The following RXFP2 variants were observed in gnomAD, a reference collection of about 807,000 sequenced individuals.
RXFP2 encodes relaxin receptor 2.
Under a neutral mutation model 88.6 loss-of-function variants are expected in RXFP2, and 68 were observed. That is an observed-to-expected ratio of 0.77 (90% CI 0.63 to 0.94). The LOEUF is 0.94. Among genes scored for constraint, RXFP2 ranks in the 40% least tolerant of loss-of-function variants. The probability of loss-of-function intolerance (pLI) is 0.00; values close to 1 mark genes in which losing one functional copy is unlikely to be tolerated. For synonymous variants in RXFP2, 329 were observed against 306.8 expected (o/e 1.07, Z -0.76); for missense variants, 791 against 893.9 (o/e 0.88, Z 1.47).
chr13:31,756,458 C>T (rs1227479659), intron 1 of RXFP2, among the ~76,000 whole-genome samples: 2 of 152,048 alleles, frequency 1.3e-5, no homozygotes, highest in African/African-American at 4.8e-5. Flanking sequence ...ATATCATCTC[C>T]CACACCCGCC....
At position 31,774,617 on chromosome 13, in the gene RXFP2, C is replaced by T. The variant is rs1490900084; in HGVS notation, c.498-3C>T. On this transcript the variant is annotated splice_polypyrimidine_tract_variant and splice_region_variant and intron_variant, in intron 5 of 17. Transcript: ENST00000298386. ...CCTGACTCTCTTATCTTATTCCTAC[C>T]AGATTTCTTCAGCATAATTGCATTA... 1.3e-6 allele frequency: 2 copies of T among 1,483,050 alleles called. No homozygotes were observed. Among genetic ancestry groups the T allele is most frequent in the Admixed American group, 3.3e-5 (2 of 59,806 alleles). 91.9% of individuals were successfully genotyped at this position (1,483,050 alleles called of 1,614,324 possible). A position where few individuals can be genotyped will look rare whatever the true frequency, so the allele number is the denominator to read the frequency against.
At position 31,797,378 on chromosome 13, in the gene RXFP2, T is replaced by A. The variant is rs1298842944; in HGVS notation, c.1964T>A (p.Phe655Tyr). The A allele has an allele frequency of 6.2e-7, 1 of 1,614,172 alleles. No individual in the cohort carries two copies. Among genetic ancestry groups the A allele is most frequent in the Non-Finnish European group, 8.5e-7 (1 of 1,180,008 alleles). ...GATGCCATCTGCTGGATTCCTGTAT[T>A]TGTAGTTAAAATCCTTTCCCTCTTC... ...FSDAICWIPV[F>Y]VVKILSLFRV... Residue 655 changes from phenylalanine (F) to tyrosine (Y), a missense_variant, in exon 17 of 18, where the codon TTT becomes TAT. Physicochemically the swap from Phe to Tyr is conservative, Grantham distance 22. Coordinates refer to ENST00000298386, the MANE Select transcript of RXFP2 (RefSeq NM_130806.5).
chr13:31,789,482 A>G (rs1431801728), intron 14 of RXFP2, among the ~76,000 whole-genome samples: 1 of 152,178 alleles, frequency 6.6e-6, no homozygotes, highest in African/African-American at 2.4e-5. Flanking sequence ...TCACTGGCTA[A>G]ATGGTACTCA....
chr13:31,758,113 A>G, intron 1 of RXFP2, 145 bp from the exon 2 acceptor site: 4 of 839,620 alleles, frequency 4.8e-6, no homozygotes, highest in African/African-American at 1.7e-5. Flanking sequence ...TAAAGTTGTC[A>G]TTGAGAATAT....
chr13:31,746,714 T>G (rs1401427345), intron 1 of RXFP2, among the ~76,000 whole-genome samples: 1 of 152,026 alleles, frequency 6.6e-6, no homozygotes, highest in Non-Finnish European at 1.5e-5. Flanking sequence ...TCTCTTTTTC[T>G]GTTATTCACA....
At chr13:31,777,260 G>C in intron 7 of RXFP2, 116 bp from the exon 8 acceptor site, 1 of 716,446 alleles carries the variant, frequency 1.4e-6, no homozygotes, top group Non-Finnish European at 2.5e-6. Flanking sequence ...TCAGGGAAGG[G>C]ACAGGTGAGC....
intron 5 of RXFP2, among the ~76,000 whole-genome samples, chr13:31,772,156 A>G (rs1430777244): frequency 6.6e-6 from 1 of 152,204 alleles, no homozygotes; most frequent in Admixed American, 6.5e-5. Context: ...GGAATTGACT[A>G]TAATACTTTA....
At chr13:31,774,552 A>G (rs1872859650) in intron 5 of RXFP2, 68 bp from the exon 6 acceptor site, 1 of 830,780 alleles carries the variant, frequency 1.2e-6, no homozygotes. Context: ...AAAGTGGAGA[A>G]TATGTTCAAC....
intron 15 of RXFP2, 33 bp downstream of exon 15, chr13:31,792,068 A>C: frequency 6.7e-7 from 1 of 1,483,090 alleles, no homozygotes; most frequent in Non-Finnish European, 9.4e-7. Context: ...TAGATTAAGG[A>C]TATCTTCTGT....
At chr13:31,771,855 G>T (rs1872747290) in intron 5 of RXFP2, among the ~76,000 whole-genome samples, 1 of 151,832 alleles carries the variant, frequency 6.6e-6, no homozygotes, top group Non-Finnish European at 1.5e-5. Context: ...CGTGGGGACT[G>T]TTGTCCTGCG....
chr13:31,755,847 G>A (rs1426658110), intron 1 of RXFP2, among the ~76,000 whole-genome samples: 1 of 152,046 alleles, frequency 6.6e-6, no homozygotes, highest in African/African-American at 2.4e-5. Context: ...AATGATTTTT[G>A]CTTTTGTAAG....
At position 31,793,005 on chromosome 13, in the gene RXFP2, G is replaced by A; in HGVS notation, c.1703G>A (p.Gly568Glu). 6.2e-7 allele frequency: 1 copy of A among 1,613,652 alleles called. No homozygotes were observed. The highest frequency in any genetic ancestry group is 1.1e-5 in the South Asian group (1 of 91,068). Residue 568 changes from glycine (G) to glutamate (E), a missense_variant, in exon 16 of 18, where the codon GGG (glycine) becomes GAG (glutamate). Physicochemically the swap from Gly to Glu is moderately conservative, Grantham distance 98. Transcript: ENST00000298386. ...WNKDYFGNFY[G>E]KNGVCFPLYY... ...AAGGATTATTTTGGAAACTTTTATG[G>A]GAAAAATGGAGTATGTTTCCCACTT...
chr13:31,775,496 C>T, intron 7 of RXFP2, 107 bp downstream of exon 7: 3 of 863,526 alleles, frequency 3.5e-6, no homozygotes, highest in Non-Finnish European at 3.9e-6. Flanking sequence ...TTTATACTTG[C>T]TTTTCTGATT....
At chr13:31,754,313 T>C (rs1871823559) in intron 1 of RXFP2, among the ~76,000 whole-genome samples, 1 of 152,248 alleles carries the variant, frequency 6.6e-6, no homozygotes, top group Non-Finnish European at 1.5e-5. Context: ...GGTGGATCAT[T>C]TGAGGTCAGG....
chr13:31,794,282 G>T lies in RXFP2; in HGVS notation c.1786+1194G>T, dbSNP rs11616527. ...CATTCCCAGGATCCAGAGTATTACA[G>T]GCTGTTCTTTGTATTTCCTTATCAT... is the stretch of plus-strand genomic sequence containing the variant. On this transcript the variant is annotated intron_variant, in intron 16 of 17. Transcript: ENST00000298386. Among the ~76,000 whole-genome samples, 4 of 151,714 alleles carry T rather than the reference G, an allele frequency of 2.6e-5. No homozygotes were observed. In the South Asian group the frequency reaches 8.3e-4, roughly 32 times the overall value.
At chr13:31,782,533 T>C (rs1420957368) in intron 10 of RXFP2, 143 bp from the exon 11 acceptor site, 2 of 695,280 alleles carry the variant, frequency 2.9e-6, no homozygotes, top group Non-Finnish European at 2.6e-6. Context: ...AGTCCTGCCT[T>C]AGTTTCCACT....
intron 7 of RXFP2, among the ~76,000 whole-genome samples, chr13:31,776,102 T>TTTTCTTTTCTTTCTTTC (rs372102585): frequency 8.9e-4 from 98 of 109,910 alleles, no homozygotes; most frequent in African/African-American, 3.4e-3. Context: ...CTTTCTTTTC[T>TTTTCTTTTCTTTCTTTC]TTTCTTTCTT....
chr13:31,800,977 A>G (rs1874308164), intron 17 of RXFP2, among the ~76,000 whole-genome samples: 1 of 152,176 alleles, frequency 6.6e-6, no homozygotes, highest in Non-Finnish European at 1.5e-5. Flanking sequence ...GAAGGTAAAT[A>G]TAGAAAAGGA....
chr13:31,781,583 A>G, intron 9 of RXFP2, 88 bp from the exon 10 acceptor site: 2 of 942,050 alleles, frequency 2.1e-6, no homozygotes, highest in Non-Finnish European at 3.3e-6. Flanking sequence ...TGAAGTAAAA[A>G]TAAACTTGAT....
Sources: gnomAD v4.1 joint callset for allele counts (sites outside exome capture counted in the v4.1 genomes callset) on GRCh38, gnomAD v4.1.1 for gene constraint, MANE v1.5 for transcripts, NCBI Gene and HGNC (gene_info 2026-07-23, HGNC 2026-07-21) for gene names.